Variants in UNC5D observed in about 807,000 individuals in gnomAD.
The protein encoded by UNC5D is unc-5 netrin receptor D.
UNC5D carries 39 observed loss-of-function variants against 105.4 expected under a neutral mutation model. The ratio of observed to expected loss-of-function variants is 0.37; its 90% CI spans 0.29 to 0.48. The LOEUF is 0.48. Among genes scored for constraint, UNC5D ranks in the 20% least tolerant of loss-of-function variants. UNC5D has a pLI of 0.98. For synonymous variants in UNC5D, 452 were observed against 450.4 expected (o/e 1.00, Z -0.04); for missense variants, 991 against 1,202.4 (o/e 0.82, Z 2.60).
Position 35,332,428 on chromosome 8 carries a change from C to A in UNC5D, c.103+96541C>A, listed in dbSNP as rs538931869. Reference sequence around the variant, plus strand: ...AGCAACAACAACAAGAAGCAAATATCTTTTCCTTATTCTGCAGTAATGTCT... The same window carrying A: ...AGCAACAACAACAAGAAGCAAATATATTTTCCTTATTCTGCAGTAATGTCT... On this transcript the variant is annotated intron_variant, in intron 1 of 16. Transcript: ENST00000404895. Among the ~76,000 whole-genome samples the A allele has an allele frequency of 3.9e-5, 6 of 152,300 alleles. 1 individual carries two copies. The highest frequency in any genetic ancestry group is 3.9e-4 in the Admixed American group (6 of 15,290).
chr8:35,604,376 C>A (rs1820122217), intron 4 of UNC5D, among the ~76,000 whole-genome samples: 1 of 152,198 alleles, frequency 6.6e-6, no homozygotes. Flanking sequence ...TTGGCCCCCA[C>A]CCTCTTCTGG....
chr8:35,617,135 G>C (rs542741285), intron 4 of UNC5D, among the ~76,000 whole-genome samples: 1 of 152,254 alleles, frequency 6.6e-6, no homozygotes, highest in Admixed American at 6.5e-5. Context: ...CTTAGGCTGA[G>C]CTTATTAAAA....
chr8:35,359,020 TCA>T (rs1478568929), intron 1 of UNC5D, among the ~76,000 whole-genome samples: 2 of 152,226 alleles, frequency 1.3e-5, no homozygotes, highest in Non-Finnish European at 2.9e-5. Context: ...GCCTGGTGGC[TCA>T]CACCTGTCGT....
intron 1 of UNC5D, among the ~76,000 whole-genome samples, chr8:35,449,677 G>A (rs528342412): frequency 4.6e-5 from 7 of 152,096 alleles, no homozygotes; most frequent in Admixed American, 6.6e-5. Flanking sequence ...ATTCTTGCCC[G>A]TTTTATGTCT....
At chr8:35,277,324 C>T (rs1358031327) in intron 1 of UNC5D, among the ~76,000 whole-genome samples, 2 of 152,098 alleles carry the variant, frequency 1.3e-5, no homozygotes, top group African/African-American at 4.8e-5. Context: ...GGAATATATC[C>T]TTAGGGCAGT....
At chr8:35,713,387 A>G (rs1234804644) in intron 8 of UNC5D, among the ~76,000 whole-genome samples, 1 of 152,204 alleles carries the variant, frequency 6.6e-6, no homozygotes. Context: ...GCTGGAGTTC[A>G]AATTCTGCTC....
intron 4 of UNC5D, among the ~76,000 whole-genome samples, chr8:35,639,709 A>C (rs1017393537): frequency 6.6e-6 from 1 of 152,076 alleles, no homozygotes; most frequent in Non-Finnish European, 1.5e-5. Context: ...GAAAAGAACT[A>C]CTTATTTTCA....
chr8:35,479,781 G>T (rs778791914), intron 1 of UNC5D, among the ~76,000 whole-genome samples: 4 of 152,124 alleles, frequency 2.6e-5, no homozygotes, highest in Non-Finnish European at 4.4e-5. Flanking sequence ...TGCTTGGTCA[G>T]GGAAGGGAGA....
chr8:35,601,125 T>C (rs972211813), intron 4 of UNC5D, among the ~76,000 whole-genome samples: 3 of 152,174 alleles, frequency 2.0e-5, no homozygotes, highest in African/African-American at 4.8e-5. Context: ...TGCGGCATTA[T>C]GTCTGAGGGC....
At chr8:35,385,266 A>G (rs918317064) in intron 1 of UNC5D, among the ~76,000 whole-genome samples, 1 of 152,040 alleles carries the variant, frequency 6.6e-6, no homozygotes, top group African/African-American at 2.4e-5. Context: ...TGTGAGTGAT[A>G]ATGTATTGAT....
Position 35,793,302 on chromosome 8 carries a change from T to C in UNC5D, c.*2739T>C, listed in dbSNP as rs1386765065. Reference sequence around the variant, plus strand: ...GTAGAATTGCAGATCAGATAAAAAGTGAGCTTACACTTGAACTTAGTTATT... The same window carrying C: ...GTAGAATTGCAGATCAGATAAAAAGCGAGCTTACACTTGAACTTAGTTATT... On this transcript the variant is annotated 3_prime_UTR_variant, in exon 17 of 17. Coordinates refer to ENST00000404895, the MANE Select transcript of UNC5D (RefSeq NM_080872.4). 1.4e-5 allele frequency: 5 copies of C among 354,278 alleles called. No homozygotes were observed. Among genetic ancestry groups the C allele is most frequent in the Non-Finnish European group, 2.2e-5 (4 of 179,314 alleles). 21.9% of individuals were successfully genotyped at this position (354,278 alleles called of 1,614,324 possible).
rs147353228 is a variant in UNC5D, at chr8:35,430,699, G to A, written c.104-118593G>A. Among the ~76,000 whole-genome samples the A allele has an allele frequency of 1.8e-3, 270 of 152,118 alleles. 4 individuals carry two copies. Among genetic ancestry groups the A allele is most frequent in the East Asian group, 0.012 (62 of 5,164 alleles). ...ACTGATTGCTCACTTGGTGGGTGGGGGAAAAACCTCCACATATATATGGTC... is the reference window on the plus strand; with the variant it reads ...ACTGATTGCTCACTTGGTGGGTGGGAGAAAAACCTCCACATATATATGGTC... On this transcript the variant is annotated intron_variant, in intron 1 of 16. Transcript: ENST00000404895.
At chr8:35,662,090 T>C (rs1175496771) in intron 4 of UNC5D, among the ~76,000 whole-genome samples, 1 of 151,484 alleles carries the variant, frequency 6.6e-6, no homozygotes, top group East Asian at 1.9e-4. Flanking sequence ...TTAATGTGTA[T>C]CCATTCCAGC....
chr8:35,341,263 C>T (rs189823464), intron 1 of UNC5D, among the ~76,000 whole-genome samples: 1 of 152,076 alleles, frequency 6.6e-6, no homozygotes, highest in East Asian at 1.9e-4. Context: ...GGACACTTGT[C>T]ACTCATTTTT....
chr8:35,348,229 A>C (rs1336715965), intron 1 of UNC5D, among the ~76,000 whole-genome samples: 1 of 151,548 alleles, frequency 6.6e-6, no homozygotes, highest in African/African-American at 2.4e-5. Context: ...TTGTTTTACC[A>C]AAAAAAATTA....
chr8:35,236,547 C>G (rs982253081), intron 1 of UNC5D, among the ~76,000 whole-genome samples: 7 of 129,424 alleles, frequency 5.4e-5, no homozygotes, highest in African/African-American at 2.0e-4. Context: ...CCTCCTCTCC[C>G]TTCCCGGCGC....
At chr8:35,513,747 CAG>C (rs1262210365) in intron 1 of UNC5D, among the ~76,000 whole-genome samples, 1 of 152,188 alleles carries the variant, frequency 6.6e-6, no homozygotes, top group Admixed American at 6.5e-5. Context: ...ACTCTGATCA[CAG>C]AGTCTTGTAT....
chr8:35,683,774 G>T, intron 5 of UNC5D, 47 bp downstream of exon 5: 3 of 1,425,430 alleles, frequency 2.1e-6, no homozygotes, highest in South Asian at 1.8e-5. Context: ...GGCAGAAAGA[G>T]GTAGAGGGAT....
At chr8:35,359,814 A>G (rs1258522615) in intron 1 of UNC5D, among the ~76,000 whole-genome samples, 3 of 152,170 alleles carry the variant, frequency 2.0e-5, no homozygotes, top group African/African-American at 7.2e-5. Context: ...TATAACATAA[A>G]AGCCTGGAAG....
Sources: gnomAD v4.1 joint callset for allele counts (sites outside exome capture counted in the v4.1 genomes callset) on GRCh38, gnomAD v4.1.1 for gene constraint, MANE v1.5 for transcripts, NCBI Gene and HGNC (gene_info 2026-07-23, HGNC 2026-07-21) for gene names.